ERBB4: variants seen among roughly 807,000 people sequenced by gnomAD.
The protein encoded by ERBB4 is receptor tyrosine-protein kinase erbB-4.
In ERBB4, 42 loss-of-function variants were observed where a neutral mutation model predicts 158.0. The observed-to-expected ratio is 0.27, with a 90% CI of 0.21 to 0.34. The LOEUF is 0.34. Among genes scored for constraint, ERBB4 ranks in the 10% least tolerant of loss-of-function variants. The probability of loss-of-function intolerance (pLI) is 1.00; values close to 1 mark genes in which losing one functional copy is unlikely to be tolerated. For missense variants in ERBB4, 1,333 were observed against 1,624.1 expected (o/e 0.82, Z 3.08); for synonymous variants, 583 against 558.7 (o/e 1.04, Z -0.61).
At chr2:212,006,514 C>T (rs2076263333) in intron 2 of ERBB4, among the ~76,000 whole-genome samples, 1 of 151,948 alleles carries the variant, frequency 6.6e-6, no homozygotes, top group African/African-American at 2.4e-5. Context: ...GGGAAAATAA[C>T]CCAAACTAAA....
chr2:212,195,626 G>A (rs60002092), intron 1 of ERBB4, among the ~76,000 whole-genome samples: 28,970 of 151,748 alleles, frequency 0.19, 3,068 homozygotes, highest in Non-Finnish European at 0.22. Context: ...TTTTAATATG[G>A]CACAAGCATA....
At chr2:211,644,440 C>T (rs906779020) in intron 16 of ERBB4, among the ~76,000 whole-genome samples, 1 of 112,396 alleles carries the variant, frequency 8.9e-6, no homozygotes, top group Non-Finnish European at 2.0e-5. Flanking sequence ...TCACAGCCTC[C>T]AGATAATGTA....
At chr2:212,060,657 G>A (rs1406976619) in intron 2 of ERBB4, among the ~76,000 whole-genome samples, 1 of 147,450 alleles carries the variant, frequency 6.8e-6, no homozygotes, top group Admixed American at 7.1e-5. Context: ...CGTGTCCTTT[G>A]TAGGGACATG....
At chr2:212,103,280 T>G (rs2079134478) in intron 2 of ERBB4, among the ~76,000 whole-genome samples, 1 of 152,130 alleles carries the variant, frequency 6.6e-6, no homozygotes, top group African/African-American at 2.4e-5. Flanking sequence ...TAAGTCTTCC[T>G]TCACTTTCTA....
chr2:212,327,396 C>G (rs941217354), intron 1 of ERBB4, among the ~76,000 whole-genome samples: 2 of 151,870 alleles, frequency 1.3e-5, no homozygotes, highest in Non-Finnish European at 2.9e-5. Context: ...CAATCCAAGG[C>G]CTGTTCTCAC....
intron 12 of ERBB4, among the ~76,000 whole-genome samples, chr2:211,688,373 T>C (rs531064590): frequency 6.6e-6 from 1 of 152,236 alleles, no homozygotes; most frequent in East Asian, 1.9e-4. Context: ...CAACCTGGAG[T>C]TCTTGGGACT....
At chr2:212,201,804 T>C (rs912857937) in intron 1 of ERBB4, among the ~76,000 whole-genome samples, 4 of 152,208 alleles carry the variant, frequency 2.6e-5, no homozygotes, top group African/African-American at 7.2e-5. Flanking sequence ...AAGTAGACTA[T>C]CAATTCTTTG....
At chr2:212,095,006 GT>G (rs1362172195) in intron 2 of ERBB4, among the ~76,000 whole-genome samples, 3 of 151,024 alleles carry the variant, frequency 2.0e-5, no homozygotes, top group Non-Finnish European at 3.0e-5. Flanking sequence ...TTCTGATACT[GT>G]TTTTTTTTCT....
At chr2:212,282,829 C>A (rs2085808555) in intron 1 of ERBB4, among the ~76,000 whole-genome samples, 1 of 151,848 alleles carries the variant, frequency 6.6e-6, no homozygotes, top group Non-Finnish European at 1.5e-5. Flanking sequence ...CAGGATGTTG[C>A]CTTACGTGTT....
chr2:211,986,413 ATTG>A (rs894344325), intron 2 of ERBB4, among the ~76,000 whole-genome samples: 21 of 152,184 alleles, frequency 1.4e-4, no homozygotes, highest in Admixed American at 1.0e-3. Context: ...ATAGCTAATT[ATTG>A]TTAGAACTCG....
chr2:212,273,921 C>T (rs1447313428), intron 1 of ERBB4, among the ~76,000 whole-genome samples: 3 of 151,696 alleles, frequency 2.0e-5, no homozygotes, highest in Admixed American at 6.6e-5. Flanking sequence ...GGGGTGCTGA[C>T]CCCTGTGCAC....
intron 1 of ERBB4, among the ~76,000 whole-genome samples, chr2:212,328,469 G>A (rs1299315140): frequency 6.6e-6 from 1 of 151,954 alleles, no homozygotes; most frequent in Non-Finnish European, 1.5e-5. Flanking sequence ...TCATCTTGTT[G>A]GGGAATAACA....
chr2:211,709,779 C>A (rs1223962496), intron 9 of ERBB4, among the ~76,000 whole-genome samples: 1 of 152,052 alleles, frequency 6.6e-6, no homozygotes, highest in East Asian at 1.9e-4. Context: ...TTGTGTTGCT[C>A]CAATTTCACT....
chr2:211,822,579 C>A (rs562438269), intron 3 of ERBB4, among the ~76,000 whole-genome samples: 1 of 151,878 alleles, frequency 6.6e-6, no homozygotes, highest in African/African-American at 2.4e-5. Context: ...AAAGAATATT[C>A]CATAGAAAGA....
At chr2:212,110,037 C>T (rs1381023320) in intron 2 of ERBB4, among the ~76,000 whole-genome samples, 1 of 152,130 alleles carries the variant, frequency 6.6e-6, no homozygotes, top group Non-Finnish European at 1.5e-5. Context: ...TCGTTGCCCT[C>T]ATCAGTAAGA....
chr2:211,768,476 C>T (rs1445428813), intron 4 of ERBB4, among the ~76,000 whole-genome samples: 6 of 152,204 alleles, frequency 3.9e-5, no homozygotes, highest in Non-Finnish European at 1.5e-5. Flanking sequence ...CAGAGGTTCT[C>T]CATGAGAGCT....
chr2:212,068,795 A>T (rs2078020220), intron 2 of ERBB4, among the ~76,000 whole-genome samples: 1 of 152,132 alleles, frequency 6.6e-6, no homozygotes, highest in East Asian at 1.9e-4. Context: ...TTAGAATCAC[A>T]AATAAAGCCA....
chr2:212,259,707 C>G (rs1352260345), intron 1 of ERBB4, among the ~76,000 whole-genome samples: 1 of 151,872 alleles, frequency 6.6e-6, no homozygotes, highest in Non-Finnish European at 1.5e-5. Flanking sequence ...AATACTATTC[C>G]TCTATTTTGA....
At chr2:211,789,517 A>C (rs2076236698) in intron 3 of ERBB4, among the ~76,000 whole-genome samples, 1 of 152,132 alleles carries the variant, frequency 6.6e-6, no homozygotes, top group Non-Finnish European at 1.5e-5. Flanking sequence ...TTTATTTGAG[A>C]AGAAATGCTC....
Sources: gnomAD v4.1 joint callset for allele counts (sites outside exome capture counted in the v4.1 genomes callset) on GRCh38, gnomAD v4.1.1 for gene constraint, MANE v1.5 for transcripts, NCBI Gene and HGNC (gene_info 2026-07-23, HGNC 2026-07-21) for gene names.